TOP1MT: variants seen among roughly 807,000 people sequenced by gnomAD.
The protein encoded by TOP1MT is DNA topoisomerase I mitochondrial, also known as DNA topoisomerase I, mitochondrial.
A neutral mutation model predicts 73.9 loss-of-function variants in TOP1MT; 80 were observed. The ratio of observed to expected loss-of-function variants is 1.08; its 90% CI spans 0.90 to 1.30. TOP1MT has a LOEUF of 1.30. Ranked by LOEUF, TOP1MT falls within the 50% of genes most tolerant of loss-of-function variation. TOP1MT has a pLI of 0.00. For synonymous variants in TOP1MT, 338 were observed against 326.4 expected, an observed-to-expected ratio of 1.04 and a Z score of -0.38; for missense variants, 815 against 808.0, an observed-to-expected ratio of 1.01 and a Z score of -0.10.
intron 2 of TOP1MT, among the ~76,000 whole-genome samples, chr8:143,340,847 GT>G (rs1817066182): frequency 6.6e-6 from 1 of 152,204 alleles, no homozygotes; most frequent in African/African-American, 2.4e-5. Context: ...TTCTTTCTTG[GT>G]TTTTCCCACC....
At chr8:143,347,663 G>A (rs1817248893), upstream of TOP1MT, among the ~76,000 whole-genome samples, 1 of 151,190 alleles carries the variant, frequency 6.6e-6, no homozygotes, top group African/African-American at 2.4e-5. Context: ...AGTTTTAGAA[G>A]GAACATTGAA....
In TOP1MT at chr8:143,334,830, G is replaced by T. The variant is rs780757876; in HGVS notation, c.32C>A (p.Ala11Glu). MRVVRLLRLR[A>E]ALTLLGEVPR... ...GACCTCCCCGAGCAGCGTCAGAGCC[G>T]CCCGGAGCCGCAGCAGCCGCACCAC... Residue 11 changes from alanine (A) to glutamate (E), a missense_variant, in exon 1 of 14, where the codon GCG becomes GAG. Around this residue, in one of 3 missense-constraint regions of TOP1MT, gnomAD observed 60 missense variants for 65.9 expected, o/e 0.91. Transcript: ENST00000329245. 2 of 1,520,324 alleles carry T rather than the reference G, an allele frequency of 1.3e-6. No individual in the cohort carries two copies. Among genetic ancestry groups the T allele is most frequent in the Non-Finnish European group, 1.7e-6 (2 of 1,149,218 alleles). 94.2% of individuals were successfully genotyped at this position (1,520,324 alleles called of 1,614,324 possible). A position where few individuals can be genotyped will look rare whatever the true frequency, so the allele number is the denominator to read the frequency against.
At position 143,341,823 on chromosome 8, in the gene TOP1MT, CCTT is replaced by C. The variant is rs202065147; in HGVS notation, c.29+1394_29+1396del. 5.0e-4 allele frequency among the ~76,000 whole-genome samples: 75 copies of C among 148,840 alleles called. No individual in the cohort carries two copies. Among genetic ancestry groups the C allele is most frequent in the African/African-American group, 1.8e-3 (70 of 39,146 alleles). On this transcript the variant is annotated intron_variant, in intron 2 of 5. Coordinates refer to the TOP1MT transcript ENST00000518007. The surrounding 1 kb of genome is among the most constrained non-coding windows in gnomAD (Gnocchi z 4.1). ...CTGCCCCATCTAGTGCTTCCTTCTT[CCTT>C]CTTCTTCCTCTTCTTCCTCCTCCTC...
chr8:143,353,105 C>T (rs1458966713), intron 1 of TOP1MT, among the ~76,000 whole-genome samples: 1 of 152,076 alleles, frequency 6.6e-6, no homozygotes, highest in African/African-American at 2.4e-5. Context: ...CGATAAAAAA[C>T]AAATAATCCA....
intron 12 of TOP1MT, among the ~76,000 whole-genome samples, chr8:143,313,611 TGG>T (rs1252197783): frequency 4.0e-5 from 6 of 150,078 alleles, no homozygotes; most frequent in Non-Finnish European, 8.9e-5. Context: ...CCCAGCACTT[TGG>T]GAGGCCGAGA....
At chr8:143,359,282 G>C, upstream of TOP1MT, 3 of 985,288 alleles carry the variant, frequency 3.0e-6, no homozygotes, top group Non-Finnish European at 3.6e-6. Context: ...TTACAAGGTG[G>C]CTGCCAGCAA....
chr8:143,315,819 G>T lies in TOP1MT; in HGVS notation c.1461C>A (p.Ile487=). The T allele has an allele frequency of 1.2e-6, 2 of 1,613,354 alleles. No homozygotes were observed. The highest frequency in any genetic ancestry group is 1.7e-6 in the Non-Finnish European group (2 of 1,179,968). Residue 487 remains isoleucine, a splice_region_variant and synonymous_variant, in exon 12 of 14, where the codon ATC becomes ATA. Transcript: ENST00000329245. ...CAGCCACCTGCTCCTTCTTTGCCTG[G>T]ATCTGCAGGAAAAGGGTCCAGACAG... ...EKSMQNLQTK[I]QAKKEQVAEA...
Position 143,342,487 on chromosome 8 carries a change from A to C in TOP1MT, c.29+733T>G, listed in dbSNP as rs190802646. Among the ~76,000 whole-genome samples, 721 of 137,760 alleles carry C rather than the reference A, an allele frequency of 5.2e-3. 5 individuals carry two copies. Among genetic ancestry groups the C allele is most frequent in the Non-Finnish European group, 8.8e-3 (579 of 65,768 alleles). The allele number at this position is 137,760 out of a possible 152,430, so 90.4% of individuals were successfully genotyped here. On this transcript the variant is annotated intron_variant, in intron 2 of 5. Coordinates refer to the TOP1MT transcript ENST00000518007. ...GCTCTGTTATTATTATTATTATTAGAGACAGAGTCTCGCTGTTATTATTAT... is the reference window on the plus strand; with the variant it reads ...GCTCTGTTATTATTATTATTATTAGCGACAGAGTCTCGCTGTTATTATTAT...
At position 143,321,796 on chromosome 8, in the gene TOP1MT, C is replaced by CCACACACGCACGCCACA. The variant is rs1563758306; in HGVS notation, c.961-411_961-410insTGTGGCGTGCGTGTGTG. Among the ~76,000 whole-genome samples, 17 of 39,590 alleles carry CCACACACGCACGCCACA rather than the reference C, an allele frequency of 4.3e-4. 1 individual carries two copies. Among genetic ancestry groups the CCACACACGCACGCCACA allele is most frequent in the African/African-American group, 1.0e-3 (16 of 15,240 alleles). 26.0% of individuals were successfully genotyped at this position (39,590 alleles called of 152,430 possible). A position where few individuals can be genotyped will look rare whatever the true frequency, so the allele number is the denominator to read the frequency against. On this transcript the variant is annotated intron_variant, in intron 7 of 13. Coordinates refer to ENST00000329245, the MANE Select transcript of TOP1MT (RefSeq NM_052963.3). Reference sequence around the variant, plus strand: ...CACACACGCACGCCACACACGCACGCCACACACGCACGCTACACACACACG... The same window carrying CCACACACGCACGCCACA: ...CACACACGCACGCCACACACGCACGCCACACACGCACGCCACACACACACGCACGCTACACACACACG...
At chr8:143,342,301 ATTAT>A (rs1817114251) in intron 2 of TOP1MT, among the ~76,000 whole-genome samples, 2 of 132,436 alleles carry the variant, frequency 1.5e-5, no homozygotes, top group South Asian at 4.5e-4. Context: ...CGCTGTTATT[ATTAT>A]TATTATTAGA....
chr8:143,339,570 G>A (rs1359533097), upstream of TOP1MT, among the ~76,000 whole-genome samples: 1 of 152,180 alleles, frequency 6.6e-6, no homozygotes, highest in African/African-American at 2.4e-5. Flanking sequence ...GCTGCTCCCA[G>A]TACCCTACAA....
upstream of TOP1MT, among the ~76,000 whole-genome samples, chr8:143,358,321 G>A (rs1052023581): frequency 5.3e-5 from 8 of 152,120 alleles, no homozygotes; most frequent in Non-Finnish European, 8.8e-5. Context: ...TGATGTTTTT[G>A]ACAGGAAGAA....
At chr8:143,314,779 G>C (rs1052135859) in intron 12 of TOP1MT, among the ~76,000 whole-genome samples, 24 of 152,052 alleles carry the variant, frequency 1.6e-4, no homozygotes, top group African/African-American at 5.6e-4. Flanking sequence ...ACTATATATA[G>C]ATCATAGATA....
At chr8:143,345,114 A>C (rs1371799164), upstream of TOP1MT, 1 of 152,392 alleles carries the variant, frequency 6.6e-6, no homozygotes, top group African/African-American at 2.4e-5. Context: ...CACCTGGGCC[A>C]GCACAGGGGC....
Position 143,310,101 on chromosome 8 carries a change from A to G in TOP1MT, c.1670T>C (p.Leu557Pro). The G allele has an allele frequency of 6.2e-7, 1 of 1,613,450 alleles. No homozygotes were observed. The highest frequency in any genetic ancestry group is 8.5e-7 in the Non-Finnish European group (1 of 1,179,966). ...GCTGATCCTGGGGTCCAGGTAGTTG[A>G]GCTTGGACGTGCCCAGGGCCACCTG... Reference protein sequence around the residue: ...NKQVALGTSKLNYLDPRISIA... With the variant: ...NKQVALGTSKPNYLDPRISIA... The change falls in exon 13 of 14, where the codon CTC becomes CCC. Residue 557 changes from leucine to proline, a missense_variant. Physicochemically the swap from Leu to Pro is moderately conservative, Grantham distance 98. Transcript: ENST00000329245.
In TOP1MT at chr8:143,321,476, G is replaced by A. The variant is rs1370726418; in HGVS notation, c.961-90C>T. 2.7e-5 allele frequency: 27 copies of A among 1,016,216 alleles called. No individual in the cohort carries two copies. In the African/African-American group the frequency reaches 3.5e-4, roughly 13 times the overall value. The allele number at this position is 1,016,216 out of a possible 1,614,324, so 62.9% of individuals were successfully genotyped here. ...ACACACACGCACGCCACACACGCAC[G>A]CCACACGCACGCCACACACGCACGC... is the stretch of plus-strand genomic sequence containing the variant. On this transcript the variant is annotated intron_variant, in intron 7 of 13. Coordinates refer to ENST00000329245, the MANE Select transcript of TOP1MT (RefSeq NM_052963.3).
intron 1 of TOP1MT, chr8:143,343,322 G>A (rs1006899883): frequency 2.2e-6 from 1 of 454,138 alleles, no homozygotes; most frequent in Non-Finnish European, 4.4e-6. Flanking sequence ...ATGCAGCTCT[G>A]CGGCTCATTT....
In TOP1MT at chr8:143,323,265, TGCACGCCACACAC is replaced by T. The variant is rs1352596560; in HGVS notation, c.960+721_960+733del. Among the ~76,000 whole-genome samples, 62 of 14,000 alleles carry T rather than the reference TGCACGCCACACAC, an allele frequency of 4.4e-3. 2 individuals carry two copies. The highest frequency in any genetic ancestry group is 0.062 in the Middle Eastern group (2 of 32). 9.2% of individuals were successfully genotyped at this position (14,000 alleles called of 152,430 possible). On this transcript the variant is annotated intron_variant, in intron 7 of 13. Coordinates refer to ENST00000329245, the MANE Select transcript of TOP1MT (RefSeq NM_052963.3). ...CACACACACAGGCACGCCACACACA[TGCACGCCACACAC>T]GCACGCCACACACGCACGCCACACA...
chr8:143,333,164 G>A (rs1009545170), intron 1 of TOP1MT, among the ~76,000 whole-genome samples: 1 of 152,060 alleles, frequency 6.6e-6, no homozygotes, highest in Non-Finnish European at 1.5e-5. Context: ...TAACTGATAG[G>A]AGCCAGGCGC....
Sources: allele counts gnomAD v4.1 joint callset (sites outside exome capture counted in the v4.1 genomes callset), GRCh38; gene constraint gnomAD v4.1.1; regional missense constraint gnomAD v4.1.1; non-coding constraint Gnocchi (gnomAD v3.1); transcripts MANE v1.5; gene names NCBI Gene and HGNC (gene_info 2026-07-23, HGNC 2026-07-21).